The following CBLB variants were observed in gnomAD, a reference collection of about 807,000 sequenced individuals.
CBLB encodes the protein E3 ubiquitin-protein ligase CBL-B.
In CBLB, 31 loss-of-function variants were observed where a neutral mutation model predicts 104.9. The observed-to-expected ratio is 0.30, with a 90% CI of 0.22 to 0.40. The LOEUF (loss-of-function observed/expected upper bound fraction) is 0.40. Ranked by LOEUF, CBLB falls within the 10% of genes least tolerant of loss-of-function variation. The pLI, the probability that CBLB is intolerant of heterozygous loss-of-function variation, is 1.00. For synonymous variants in CBLB, 440 were observed against 422.6 expected (o/e 1.04, Z -0.51); for missense variants, 1,062 against 1,214.6 (o/e 0.87, Z 1.87).
intron 3 of CBLB, among the ~76,000 whole-genome samples, chr3:105,807,996 T>A (rs1473617287): frequency 1.3e-5 from 2 of 152,202 alleles, no homozygotes; most frequent in African/African-American, 4.8e-5. Flanking sequence ...CTCTATGTTA[T>A]AAAATTAGAA....
At chr3:105,840,378 T>A (rs1329089247) in intron 3 of CBLB, among the ~76,000 whole-genome samples, 3 of 150,572 alleles carry the variant, frequency 2.0e-5, no homozygotes, top group Admixed American at 6.7e-5. Flanking sequence ...AATACAAGCA[T>A]CGTGTTAGAA....
chr3:105,794,339 C>T (rs538990601), intron 3 of CBLB, among the ~76,000 whole-genome samples: 8 of 152,158 alleles, frequency 5.3e-5, no homozygotes, highest in Non-Finnish European at 1.2e-4. Context: ...AGATTTCTGC[C>T]TAACCTAATA....
chr3:105,849,584 A>C (rs1393589042), intron 3 of CBLB, among the ~76,000 whole-genome samples: 1 of 152,162 alleles, frequency 6.6e-6, no homozygotes, highest in East Asian at 1.9e-4. Context: ...AAACTATCAA[A>C]ATTATCAAAT....
chr3:105,754,076 C>T lies in CBLB; in HGVS notation c.567-2458G>A, dbSNP rs117517390. The stretch of plus-strand genomic sequence containing the variant: ...AACTTTTCATATATGAGTGTTTGCG[C>T]AACAGATAACCCTCATTTGATCACT... On this transcript the variant is annotated intron_variant, in intron 4 of 18. Coordinates refer to ENST00000394030, the MANE Select transcript of CBLB (RefSeq NM_170662.5). Among the ~76,000 whole-genome samples the T allele has an allele frequency of 2.3e-4, 35 of 151,954 alleles. No individual in the cohort carries two copies. In the East Asian group the frequency reaches 6.8e-3, roughly 29 times the overall value.
chr3:105,853,068 A>T (rs533946387), intron 3 of CBLB, among the ~76,000 whole-genome samples: 1 of 152,284 alleles, frequency 6.6e-6, no homozygotes. Context: ...ATATTTAGAT[A>T]CACACATACT....
rs541611248 is a variant in CBLB at position 105,677,390 on chromosome 3, C to CA, written c.2569+1040dup. 8.1e-5 allele frequency among the ~76,000 whole-genome samples: 12 copies of CA among 148,366 alleles called. No homozygotes were observed. In the South Asian group the frequency reaches 2.6e-3, roughly 32 times the overall value. On this transcript the variant is annotated intron_variant, in intron 17 of 18. Transcript: ENST00000394030. Reference sequence around the variant, plus strand: ...AAAACTAAGAAAAACTAATGGTAGACATGACTAATAATCAACTGAGGAAGC... The same window carrying CA: ...AAAACTAAGAAAAACTAATGGTAGACAATGACTAATAATCAACTGAGGAAGC...
At chr3:105,835,035 T>C (rs762589899) in intron 3 of CBLB, among the ~76,000 whole-genome samples, 10 of 152,224 alleles carry the variant, frequency 6.6e-5, no homozygotes, top group Non-Finnish European at 1.5e-4. Context: ...ATATCACTTA[T>C]TAATCTCCAT....
At chr3:105,723,621 T>G (rs2073190753) in intron 9 of CBLB, among the ~76,000 whole-genome samples, 1 of 152,056 alleles carries the variant, frequency 6.6e-6, no homozygotes, top group Non-Finnish European at 1.5e-5. Flanking sequence ...GAAAAAAATT[T>G]TAAACCTTCA....
At chr3:105,697,126 C>A (rs1295487132) in intron 12 of CBLB, among the ~76,000 whole-genome samples, 1 of 151,838 alleles carries the variant, frequency 6.6e-6, no homozygotes, top group Non-Finnish European at 1.5e-5. Flanking sequence ...GTGCTTTATT[C>A]CTCTTTGTAT....
intron 3 of CBLB, among the ~76,000 whole-genome samples, chr3:105,811,628 T>C (rs2084310414): frequency 6.6e-6 from 1 of 152,172 alleles, no homozygotes; most frequent in African/African-American, 2.4e-5. Flanking sequence ...ATAAAAAGCT[T>C]TAAAAGAGAG....
chr3:105,841,632 T>G (rs2153097688), intron 3 of CBLB, among the ~76,000 whole-genome samples: 1 of 151,908 alleles, frequency 6.6e-6, no homozygotes, highest in Non-Finnish European at 1.5e-5. Context: ...TTTTTGTATT[T>G]TTATTACAGA....
At chr3:105,817,058 G>A (rs2085162169) in intron 3 of CBLB, among the ~76,000 whole-genome samples, 1 of 152,112 alleles carries the variant, frequency 6.6e-6, no homozygotes, top group African/African-American at 2.4e-5. Flanking sequence ...AGCATGACAT[G>A]TTTTTAGAAT....
intron 18 of CBLB, among the ~76,000 whole-genome samples, chr3:105,665,446 C>T (rs867700187): frequency 1.7e-5 from 2 of 115,816 alleles, no homozygotes; most frequent in African/African-American, 3.8e-5. Context: ...TATATATACA[C>T]ACACACACAC....
At chr3:105,840,969 T>C (rs1391924407) in intron 3 of CBLB, among the ~76,000 whole-genome samples, 3 of 152,038 alleles carry the variant, frequency 2.0e-5, no homozygotes, top group African/African-American at 7.2e-5. Context: ...TCTTTAATTA[T>C]TAAAGTTTTT....
In CBLB at chr3:105,753,621, C is replaced by T. The variant is rs1410537111; in HGVS notation, c.567-2003G>A. Among the ~76,000 whole-genome samples the T allele has an allele frequency of 3.9e-5, 6 of 152,064 alleles. No homozygotes were observed. In the East Asian group the frequency reaches 9.6e-4, roughly 24 times the overall value. On this transcript the variant is annotated intron_variant, in intron 4 of 18. Coordinates refer to ENST00000394030, the MANE Select transcript of CBLB (RefSeq NM_170662.5). Reference sequence around the variant, plus strand: ...TCAGAACAGTATAAATTTTATTTTTCGTATGAAGAAGTTAAAGCATTTTTG... The same window carrying T: ...TCAGAACAGTATAAATTTTATTTTTTGTATGAAGAAGTTAAAGCATTTTTG...
At chr3:105,682,028 T>C in intron 14 of CBLB, 1 of 533,994 alleles carries the variant, frequency 1.9e-6, no homozygotes. Context: ...AGTCTCTCTT[T>C]TTTTAAACTA....
intron 13 of CBLB, among the ~76,000 whole-genome samples, chr3:105,690,061 G>T (rs1430403183): frequency 6.6e-6 from 1 of 151,876 alleles, no homozygotes; most frequent in East Asian, 1.9e-4. Flanking sequence ...CATGTAAATG[G>T]GAATCAGAGT....
At chr3:105,814,392 T>C (rs188915642) in intron 3 of CBLB, among the ~76,000 whole-genome samples, 1 of 152,348 alleles carries the variant, frequency 6.6e-6, no homozygotes, top group African/African-American at 2.4e-5. Flanking sequence ...TCTTTTAAAT[T>C]CTGTAACAAA....
At chr3:105,838,516 G>T (rs1159371211) in intron 3 of CBLB, among the ~76,000 whole-genome samples, 2 of 151,964 alleles carry the variant, frequency 1.3e-5, no homozygotes, top group Non-Finnish European at 1.5e-5. Flanking sequence ...CTGGAAATAG[G>T]AAAGGGAGGA....
Sources: allele counts gnomAD v4.1 joint callset (sites outside exome capture counted in the v4.1 genomes callset), GRCh38; gene constraint gnomAD v4.1.1; transcripts MANE v1.5; gene names NCBI Gene and HGNC (gene_info 2026-07-23, HGNC 2026-07-21).